The following CCDC148 variants were observed in gnomAD, a reference collection of about 807,000 sequenced individuals.
CCDC148 encodes the protein coiled-coil domain containing 148.
In CCDC148, 89 loss-of-function variants were observed where a neutral mutation model predicts 85.7. The observed-to-expected ratio is 1.04, with a 90% CI of 0.87 to 1.24. The LOEUF (loss-of-function observed/expected upper bound fraction) is 1.24, where lower values mean the gene tolerates loss of function less well. Ranked by LOEUF, CCDC148 falls within the 50% of genes most tolerant of loss-of-function variation. The pLI is 0.00. For missense variants in CCDC148, 692 were observed against 671.7 expected (o/e 1.03, Z -0.33); for synonymous variants, 230 against 213.9 (o/e 1.08, Z -0.66).
rs548758820 is a variant in CCDC148 at position 158,452,389 on chromosome 2, A to C, written c.25+4026T>G. ...ATTTCCAAGTAGATCCTTTCCTGGT[A>C]GTAGAGAGGCAGACAACTTTATAAA... On this transcript the variant is annotated intron_variant, in intron 1 of 13. Transcript: ENST00000283233. 6.6e-5 allele frequency among the ~76,000 whole-genome samples: 10 copies of C among 152,348 alleles called. 2 individuals carry two copies. Among genetic ancestry groups the C allele is most frequent in the African/African-American group, 2.4e-4 (10 of 41,590 alleles).
rs193125605 is a variant in CCDC148, at chr2:158,250,190, T to C, written c.1251+582A>G. Reference sequence around the variant, plus strand: ...ACCCTTAAGTGTATTCTATCTTCCATGGATTATCAACAATCACTTCTTTTG... The same window carrying C: ...ACCCTTAAGTGTATTCTATCTTCCACGGATTATCAACAATCACTTCTTTTG... On this transcript the variant is annotated intron_variant, in intron 10 of 13. Coordinates refer to ENST00000283233, the MANE Select transcript of CCDC148 (RefSeq NM_138803.4). 2.5e-3 allele frequency among the ~76,000 whole-genome samples: 375 copies of C among 152,196 alleles called. 2 individuals are homozygous for C. The highest frequency in any genetic ancestry group is 3.7e-3 in the Non-Finnish European group (251 of 67,956).
At chr2:158,230,096 A>C (rs544324582) in intron 10 of CCDC148, among the ~76,000 whole-genome samples, 1 of 152,274 alleles carries the variant, frequency 6.6e-6, no homozygotes, top group African/African-American at 2.4e-5. Context: ...CCTTACCTAT[A>C]GTATTAAACC....
intron 9 of CCDC148, among the ~76,000 whole-genome samples, chr2:158,306,036 A>G (rs1048729497): frequency 1.2e-4 from 18 of 152,224 alleles, no homozygotes; most frequent in African/African-American, 4.3e-4. Context: ...TTACACTTAC[A>G]TGACCTTCTA....
intron 11 of CCDC148, among the ~76,000 whole-genome samples, chr2:158,195,332 G>C (rs1268146466): frequency 6.6e-6 from 1 of 151,860 alleles, no homozygotes; most frequent in Admixed American, 6.6e-5. Context: ...TCACATGAAG[G>C]CATATCCAAC....
intron 1 of CCDC148, among the ~76,000 whole-genome samples, chr2:158,401,373 A>T (rs1685773935): frequency 6.6e-6 from 1 of 152,156 alleles, no homozygotes; most frequent in South Asian, 2.1e-4. Context: ...TGCAGCCATA[A>T]AAAAGGATGA....
At chr2:158,424,390 A>C in intron 1 of CCDC148, among the ~76,000 whole-genome samples, 1 of 152,184 alleles carries the variant, frequency 6.6e-6, no homozygotes, top group African/African-American at 2.4e-5. Flanking sequence ...TGCAGCCATA[A>C]AAAAGGATGA....
At chr2:158,226,543 G>A (rs1426166107) in intron 10 of CCDC148, among the ~76,000 whole-genome samples, 1 of 152,166 alleles carries the variant, frequency 6.6e-6, no homozygotes, top group Non-Finnish European at 1.5e-5. Context: ...GAACATCGAT[G>A]CAAAAATAAT....
At chr2:158,260,490 T>C (rs1689174926) in intron 9 of CCDC148, among the ~76,000 whole-genome samples, 1 of 151,926 alleles carries the variant, frequency 6.6e-6, no homozygotes, top group African/African-American at 2.4e-5. Context: ...CTATGCAACA[T>C]AGTATTAGAA....
intron 9 of CCDC148, among the ~76,000 whole-genome samples, chr2:158,287,714 T>C (rs1174247316): frequency 1.3e-5 from 2 of 152,218 alleles, no homozygotes; most frequent in East Asian, 3.8e-4. Flanking sequence ...CGGGCTGGCA[T>C]TGAATGTCTG....
At chr2:158,281,614 G>C (rs766713218) in intron 9 of CCDC148, among the ~76,000 whole-genome samples, 9 of 152,080 alleles carry the variant, frequency 5.9e-5, no homozygotes, top group Non-Finnish European at 8.8e-5. Context: ...ATAACAGGAA[G>C]TGAAATTGTG....
At chr2:158,371,211 A>G (rs1181650459) in intron 1 of CCDC148, among the ~76,000 whole-genome samples, 1 of 149,050 alleles carries the variant, frequency 6.7e-6, no homozygotes, top group Non-Finnish European at 1.5e-5. Flanking sequence ...AATTCATGAT[A>G]TTGATACTGA....
At chr2:158,256,516 A>G (rs540226799) in intron 9 of CCDC148, among the ~76,000 whole-genome samples, 7 of 151,966 alleles carry the variant, frequency 4.6e-5, no homozygotes, top group African/African-American at 1.7e-4. Flanking sequence ...ATTATATTCT[A>G]TTGGCCATAT....
chr2:158,349,941 T>C (rs1683177510), intron 2 of CCDC148, among the ~76,000 whole-genome samples: 1 of 151,100 alleles, frequency 6.6e-6, no homozygotes, highest in African/African-American at 2.5e-5. Flanking sequence ...TCAAAATGAT[T>C]GCTACAGACT....
At chr2:158,176,413 G>T in intron 13 of CCDC148, 108 bp downstream of exon 13, 1 of 1,035,954 alleles carries the variant, frequency 9.7e-7, no homozygotes, top group Non-Finnish European at 1.4e-6. Flanking sequence ...TAATATGTAA[G>T]ATATTCAAAT....
At chr2:158,315,196 G>A (rs529065493) in intron 7 of CCDC148, among the ~76,000 whole-genome samples, 10 of 152,264 alleles carry the variant, frequency 6.6e-5, no homozygotes, top group East Asian at 1.9e-4. Context: ...AGTTATGCAC[G>A]TATAGACAAA....
intron 10 of CCDC148, chr2:158,235,847 G>A (rs1389023308): frequency 1.3e-5 from 2 of 152,322 alleles, no homozygotes; most frequent in Non-Finnish European, 2.9e-5. Context: ...GCTGGGTGAG[G>A]AGGACCCCTG....
intron 11 of CCDC148, among the ~76,000 whole-genome samples, chr2:158,180,860 T>C (rs1260656745): frequency 6.6e-6 from 1 of 152,154 alleles, no homozygotes; most frequent in Non-Finnish European, 1.5e-5. Flanking sequence ...AGGAAAATCC[T>C]AACCTCCTTT....
chr2:158,395,035 C>T (rs374266299), intron 1 of CCDC148, among the ~76,000 whole-genome samples: 1 of 151,960 alleles, frequency 6.6e-6, no homozygotes, highest in Non-Finnish European at 1.5e-5. Flanking sequence ...GAAAAAAGAA[C>T]ATTAATTTTC....
chr2:158,267,215 G>A (rs1028311755), intron 9 of CCDC148, among the ~76,000 whole-genome samples: 7 of 151,762 alleles, frequency 4.6e-5, no homozygotes, highest in East Asian at 1.9e-4. Flanking sequence ...CAAACTCGCC[G>A]TGCTTTTTTG....
Sources: gnomAD v4.1 joint callset for allele counts (sites outside exome capture counted in the v4.1 genomes callset) on GRCh38, gnomAD v4.1.1 for gene constraint, MANE v1.5 for transcripts, NCBI Gene and HGNC (gene_info 2026-07-23, HGNC 2026-07-21) for gene names.